The following ENOX1 variants were observed in gnomAD, a reference collection of about 807,000 sequenced individuals.
ENOX1 encodes ecto-NOX disulfide-thiol exchanger 1.
Under a neutral mutation model 82.5 loss-of-function variants are expected in ENOX1, and 42 were observed. The ratio of observed to expected loss-of-function variants is 0.51; its 90% CI spans 0.40 to 0.66. ENOX1 has a LOEUF of 0.66. ENOX1 is among the 30% of genes least tolerant of loss of function. ENOX1 has a pLI of 0.00. For synonymous variants in ENOX1, 271 were observed against 282.2 expected (o/e 0.96, Z 0.40); for missense variants, 608 against 811.6 (o/e 0.75, Z 3.05).
intron 2 of ENOX1, among the ~76,000 whole-genome samples, chr13:43,594,215 T>C (rs1321819572): frequency 6.6e-6 from 1 of 152,148 alleles, no homozygotes. Context: ...TAGGTATAAA[T>C]AGCAGTGGTA....
At chr13:43,740,384 G>T (rs1427943177) in intron 1 of ENOX1, among the ~76,000 whole-genome samples, 1 of 151,998 alleles carries the variant, frequency 6.6e-6, no homozygotes, top group East Asian at 1.9e-4. Context: ...GATATAATTG[G>T]CATATGATAT....
intron 2 of ENOX1, among the ~76,000 whole-genome samples, chr13:43,508,740 T>C (rs1002517560): frequency 2.0e-5 from 3 of 151,878 alleles, no homozygotes; most frequent in African/African-American, 7.3e-5. Flanking sequence ...CACATACACA[T>C]GCAATACTTG....
intron 2 of ENOX1, among the ~76,000 whole-genome samples, chr13:43,581,118 C>G (rs868655394): frequency 7.3e-6 from 1 of 137,250 alleles, no homozygotes; most frequent in Admixed American, 7.3e-5. Context: ...TTTAGCACTA[C>G]CTGATTCTTT....
chr13:43,685,064 T>C (rs999136940), intron 1 of ENOX1, among the ~76,000 whole-genome samples: 1 of 152,194 alleles, frequency 6.6e-6, no homozygotes, highest in African/African-American at 2.4e-5. Flanking sequence ...ATGCTGCTCT[T>C]CCTCGATTTC....
At chr13:43,227,779 G>T (rs957150756) in intron 15 of ENOX1, among the ~76,000 whole-genome samples, 6 of 152,106 alleles carry the variant, frequency 3.9e-5, no homozygotes, top group African/African-American at 1.4e-4. Context: ...TTCCTTATAA[G>T]AGTTCAGCAA....
At chr13:43,693,095 A>C (rs933212247) in intron 1 of ENOX1, among the ~76,000 whole-genome samples, 2 of 152,160 alleles carry the variant, frequency 1.3e-5, no homozygotes, top group Non-Finnish European at 2.9e-5. Context: ...AGGTGTGCTT[A>C]CATGTACAAC....
chr13:43,762,630 A>T (rs2153835914), intron 1 of ENOX1, among the ~76,000 whole-genome samples: 1 of 152,310 alleles, frequency 6.6e-6, no homozygotes, highest in Non-Finnish European at 1.5e-5. Context: ...TCACCAGATG[A>T]AAGTTAATAA....
chr13:43,411,012 A>T (rs1035650360), intron 5 of ENOX1, among the ~76,000 whole-genome samples: 9 of 152,168 alleles, frequency 5.9e-5, no homozygotes, highest in Non-Finnish European at 1.3e-4. Context: ...TGAATGAGTG[A>T]GTGAATATAC....
intron 12 of ENOX1, among the ~76,000 whole-genome samples, chr13:43,287,710 A>C (rs2045779207): frequency 6.6e-6 from 1 of 152,176 alleles, no homozygotes. Flanking sequence ...CTGCTAAAAA[A>C]CATATAAGGA....
intron 1 of ENOX1, among the ~76,000 whole-genome samples, chr13:43,768,098 C>G (rs1312354038): frequency 6.6e-6 from 1 of 152,226 alleles, no homozygotes; most frequent in Non-Finnish European, 1.5e-5. Context: ...AAGTACTCTA[C>G]AACCTAACAT....
intron 11 of ENOX1, among the ~76,000 whole-genome samples, chr13:43,304,436 C>G (rs1313920429): frequency 6.6e-6 from 1 of 152,118 alleles, no homozygotes; most frequent in Non-Finnish European, 1.5e-5. Context: ...GTAATGCCAC[C>G]AGGCTAGCTT....
chr13:43,308,264 T>TA (rs2046983649), intron 11 of ENOX1, among the ~76,000 whole-genome samples: 1 of 152,142 alleles, frequency 6.6e-6, no homozygotes, highest in Non-Finnish European at 1.5e-5. Context: ...ACGCTCCACT[T>TA]AAACTACCTC....
chr13:43,453,994 T>C lies in ENOX1; in HGVS notation c.-75+30015A>G, dbSNP rs112557997. On this transcript the variant is annotated intron_variant, in intron 3 of 16. Transcript: ENST00000690772. ...TGCTATTAGACATGAGATAGATAAA[T>C]GAGTTTTGAAAGATTAAAAAATCAC... Among the ~76,000 whole-genome samples, 856 of 152,182 alleles carry C rather than the reference T, an allele frequency of 5.6e-3. 4 individuals are homozygous for C. Among genetic ancestry groups the C allele is most frequent in the African/African-American group, 0.02 (815 of 41,538 alleles).
At chr13:43,459,692 T>A (rs2057378891) in intron 3 of ENOX1, among the ~76,000 whole-genome samples, 1 of 152,100 alleles carries the variant, frequency 6.6e-6, no homozygotes. Context: ...TGTTTTCTCT[T>A]TGTAAAAATA....
chr13:43,276,629 C>A (rs758699854), intron 12 of ENOX1, among the ~76,000 whole-genome samples: 12 of 152,230 alleles, frequency 7.9e-5, no homozygotes, highest in Non-Finnish European at 1.8e-4. Context: ...TGTTTTCCAT[C>A]TGACACTGAA....
chr13:43,773,348 A>AT (rs1445823580), intron 1 of ENOX1, among the ~76,000 whole-genome samples: 5 of 151,960 alleles, frequency 3.3e-5, no homozygotes, highest in East Asian at 3.9e-4. Flanking sequence ...ATTTCACCTC[A>AT]TTTTTTTTAC....
At chr13:43,265,545 G>T in intron 13 of ENOX1, 91 bp from the exon 14 acceptor site, 1 of 1,096,174 alleles carries the variant, frequency 9.1e-7, no homozygotes. Context: ...TGATTTATCT[G>T]AGGTTGCATT....
At chr13:43,616,879 C>T (rs1384719641) in intron 2 of ENOX1, among the ~76,000 whole-genome samples, 1 of 152,022 alleles carries the variant, frequency 6.6e-6, no homozygotes, top group African/African-American at 2.4e-5. Flanking sequence ...GTTTGAAACT[C>T]ATATCTACTT....
intron 3 of ENOX1, among the ~76,000 whole-genome samples, chr13:43,415,244 T>TG (rs2054383918): frequency 6.9e-6 from 1 of 145,344 alleles, no homozygotes; most frequent in Admixed American, 6.9e-5. Flanking sequence ...TTTTTTTTTT[T>TG]TTTTTTTTTT....
Sources: allele counts gnomAD v4.1 joint callset (sites outside exome capture counted in the v4.1 genomes callset), GRCh38; gene constraint gnomAD v4.1.1; transcripts MANE v1.5; gene names NCBI Gene and HGNC (gene_info 2026-07-23, HGNC 2026-07-21).